The following ADRA1B variants were observed in gnomAD, a reference collection of about 807,000 sequenced individuals.
ADRA1B encodes adrenoceptor alpha 1B.
A neutral mutation model predicts 17.9 loss-of-function variants in ADRA1B; 17 were observed. The ratio of observed to expected loss-of-function variants is 0.95; its 90% CI spans 0.65 to 1.42. ADRA1B has a LOEUF of 1.42. ADRA1B is among the 40% of genes most tolerant of loss of function. ADRA1B has a pLI of 0.00. For synonymous variants in ADRA1B, 366 were observed against 327.6 expected (o/e 1.12, Z -1.27); for missense variants, 681 against 722.1 (o/e 0.94, Z 0.65).
chr5:159,935,546 T>C (rs1271907557), intron 1 of ADRA1B, among the ~76,000 whole-genome samples: 2 of 151,996 alleles, frequency 1.3e-5, no homozygotes, highest in Admixed American at 1.3e-4. Flanking sequence ...CTTTCTTCTA[T>C]ACAATTTTTT....
chr5:159,895,143 C>T (rs754517675), intron 1 of ADRA1B, among the ~76,000 whole-genome samples: 1 of 152,208 alleles, frequency 6.6e-6, no homozygotes, highest in Non-Finnish European at 1.5e-5. Context: ...AGCCCACACG[C>T]TCTGAGAAAG....
intron 1 of ADRA1B, among the ~76,000 whole-genome samples, chr5:159,941,407 G>C (rs1344504437): frequency 6.6e-6 from 1 of 152,156 alleles, no homozygotes; most frequent in Non-Finnish European, 1.5e-5. Context: ...CCTTGTTCTT[G>C]TTCTAAAAAC....
intron 1 of ADRA1B, among the ~76,000 whole-genome samples, chr5:159,943,946 A>C (rs1157667308): frequency 6.6e-6 from 1 of 151,622 alleles, no homozygotes; most frequent in Non-Finnish European, 1.5e-5. Flanking sequence ...ACACAAACAC[A>C]CACACACACA....
chr5:159,950,724 C>A, intron 1 of ADRA1B: 1 of 669,534 alleles, frequency 1.5e-6, no homozygotes, highest in South Asian at 1.7e-5. Context: ...TCACCACCTT[C>A]TTAATGTCAT....
rs1754060690 is a variant in ADRA1B, at chr5:159,898,421, G to A, written c.-255-17698G>A. 2.6e-5 allele frequency among the ~76,000 whole-genome samples: 4 copies of A among 152,280 alleles called. No individual in the cohort carries two copies. The South Asian group carries it at 6.2e-4, about 24-fold the overall frequency. ...AGAAGTGGGGTGTGTGTGTGTGTTT[G>A]ATGACTGAAACTCTGATAAACATAT... On this transcript the variant is annotated intron_variant, in intron 1 of 2. Transcript: ENST00000641205.
At chr5:159,956,234 C>T (rs1755548492) in intron 1 of ADRA1B, among the ~76,000 whole-genome samples, 1 of 151,986 alleles carries the variant, frequency 6.6e-6, no homozygotes, top group African/African-American at 2.4e-5. Context: ...GGAGGAGACC[C>T]GTTTCAAAGT....
At chr5:159,954,013 C>T (rs565917180) in intron 1 of ADRA1B, among the ~76,000 whole-genome samples, 14 of 152,168 alleles carry the variant, frequency 9.2e-5, no homozygotes, top group African/African-American at 3.4e-4. Flanking sequence ...CAGAAATGCT[C>T]GCCTGAAAAG....
chr5:159,951,505 T>G, intron 1 of ADRA1B: 1 of 675,630 alleles, frequency 1.5e-6, no homozygotes, highest in Admixed American at 1.9e-5. Context: ...CCACGGTGTC[T>G]TGGGGATGCA....
intron 1 of ADRA1B, among the ~76,000 whole-genome samples, chr5:159,909,615 A>ATCC (rs1754205832): frequency 6.6e-6 from 1 of 152,264 alleles, no homozygotes; most frequent in Non-Finnish European, 1.5e-5. Flanking sequence ...TTCTCTATGC[A>ATCC]TCCTCCATTG....
At chr5:159,914,562 C>A (rs758199419), upstream of ADRA1B, among the ~76,000 whole-genome samples, 21 of 152,312 alleles carry the variant, frequency 1.4e-4, no homozygotes, top group Admixed American at 4.6e-4. Context: ...AGGACTGTCT[C>A]TACCACAGAT....
intron 1 of ADRA1B, among the ~76,000 whole-genome samples, chr5:159,904,515 A>G (rs1006025288): frequency 6.6e-6 from 1 of 152,240 alleles, no homozygotes; most frequent in Non-Finnish European, 1.5e-5. Flanking sequence ...TGCTTCCCAG[A>G]ACCTTAATGG....
At chr5:159,925,319 A>G (rs1184287081) in intron 1 of ADRA1B, among the ~76,000 whole-genome samples, 1 of 152,256 alleles carries the variant, frequency 6.6e-6, no homozygotes, top group Non-Finnish European at 1.5e-5. Context: ...CTCTAGGAAG[A>G]TAAGTCAAAA....
chr5:159,984,382 A>C, the ADRA1B span, among the ~76,000 whole-genome samples: 1 of 152,136 alleles, frequency 6.6e-6, no homozygotes, highest in African/African-American at 2.4e-5. Flanking sequence ...GCACAAAATA[A>C]AAAATCCTAG....
chr5:159,914,410 C>A (rs1754257769), upstream of ADRA1B, among the ~76,000 whole-genome samples: 1 of 152,180 alleles, frequency 6.6e-6, no homozygotes, highest in Admixed American at 6.5e-5. Flanking sequence ...TAGTGCACCA[C>A]CTCCAACACA....
intron 1 of ADRA1B, among the ~76,000 whole-genome samples, chr5:159,971,212 T>C (rs1440139081): frequency 6.6e-6 from 1 of 152,246 alleles, no homozygotes. Flanking sequence ...TTGCCCATGT[T>C]TCTACTGGGA....
chr5:159,984,941 A>G, the ADRA1B span, among the ~76,000 whole-genome samples: 1 of 151,670 alleles, frequency 6.6e-6, no homozygotes, highest in Admixed American at 6.6e-5. Flanking sequence ...AAATGAGACT[A>G]TGCCTCTGCT....
At chr5:159,899,240 G>GAGGGAGGAAGGAAGGAAGGAAGAA (rs1754069426) in intron 1 of ADRA1B, among the ~76,000 whole-genome samples, 1 of 105,426 alleles carries the variant, frequency 9.5e-6, no homozygotes, top group Admixed American at 9.0e-5. Context: ...AGGAGGGAGG[G>GAGGGAGGAAGGAAGGAAGGAAGAA]AGGAAGGAAG....
upstream of ADRA1B, among the ~76,000 whole-genome samples, chr5:159,915,121 C>T (rs1754269529): frequency 6.6e-6 from 1 of 152,204 alleles, no homozygotes; most frequent in African/African-American, 2.4e-5. Context: ...AAATTAACTA[C>T]TCAAAAGGCA....
intron 1 of ADRA1B, among the ~76,000 whole-genome samples, chr5:159,962,146 C>T (rs1025331359): frequency 3.3e-5 from 5 of 152,000 alleles, no homozygotes; most frequent in African/African-American, 7.2e-5. Flanking sequence ...TGCAGTGAGC[C>T]GAGATTGCAC....
Sources: gnomAD v4.1 joint callset for allele counts (sites outside exome capture counted in the v4.1 genomes callset) on GRCh38, gnomAD v4.1.1 for gene constraint, MANE v1.5 for transcripts, NCBI Gene and HGNC (gene_info 2026-07-23, HGNC 2026-07-21) for gene names.